The following FBXO47 variants were observed in gnomAD, a reference collection of about 807,000 sequenced individuals.
FBXO47 encodes F-box protein 47.
In FBXO47, 34 loss-of-function variants were observed where a neutral mutation model predicts 53.9. That is an observed-to-expected ratio of 0.63 (90% CI 0.48 to 0.84). The LOEUF (loss-of-function observed/expected upper bound fraction) is 0.84. Ranked by LOEUF, FBXO47 falls within the 40% of genes least tolerant of loss-of-function variation. The pLI, the probability that FBXO47 is intolerant of heterozygous loss-of-function variation, is 0.00. For synonymous variants in FBXO47, 165 were observed against 181.6 expected (o/e 0.91, Z 0.73); for missense variants, 485 against 541.3 (o/e 0.90, Z 1.03).
chr17:38,960,312 G>A (rs571480986), intron 3 of FBXO47, among the ~76,000 whole-genome samples: 2 of 151,736 alleles, frequency 1.3e-5, no homozygotes, highest in South Asian at 2.1e-4. Context: ...TAAGAATGAC[G>A]ATATGAGAAA....
In FBXO47 at chr17:38,938,568, C is replaced by T; in HGVS notation, c.1243+5G>A. On this transcript the variant is annotated splice_donor_5th_base_variant and intron_variant, in intron 10 of 10. Coordinates refer to ENST00000378079, the MANE Select transcript of FBXO47 (RefSeq NM_001008777.3). ...CACCTGTGCACCAAGTACATTCCTA[C>T]TCACCAGACATAATTGATTGCAGCA... 1.2e-6 allele frequency: 2 copies of T among 1,605,432 alleles called. No individual in the cohort carries two copies. The highest frequency in any genetic ancestry group is 1.7e-6 in the Non-Finnish European group (2 of 1,174,168).
At chr17:38,955,392 AAAAAAAAAAAGTCTCTACTCTC>A (rs1905503303) in intron 4 of FBXO47, among the ~76,000 whole-genome samples, 1 of 151,302 alleles carries the variant, frequency 6.6e-6, no homozygotes. Flanking sequence ...CATCTCAAAA[AAAAAAAAAAAGTCTCTACTCTC>A]AAGGAGTTCA....
intron 5 of FBXO47, among the ~76,000 whole-genome samples, chr17:38,952,583 T>A (rs1905350918): frequency 6.6e-6 from 1 of 151,936 alleles, no homozygotes; most frequent in African/African-American, 2.4e-5. Context: ...CGGAGATAAC[T>A]TTTTTATTTG....
In FBXO47 at chr17:38,954,204, A is replaced by G. The variant is rs530128928; in HGVS notation, c.507+652T>C. ...TCCCAGCTACTCAGGAGGCTGAGGC[A>G]GGAGAATCGCTTGAACTTAGGAGGT... On this transcript the variant is annotated intron_variant, in intron 5 of 10. Transcript: ENST00000378079. 3.9e-4 allele frequency among the ~76,000 whole-genome samples: 59 copies of G among 152,154 alleles called. No individual in the cohort carries two copies. In the South Asian group the frequency reaches 6.4e-3, roughly 17 times the overall value.
Position 38,967,391 on chromosome 17 carries a change from T to A in FBXO47, c.-189A>T, listed in dbSNP as rs1181204513. 1 of 152,108 alleles carries A rather than the reference T, an allele frequency of 6.6e-6. No homozygotes were observed. Among genetic ancestry groups the A allele is most frequent in the Non-Finnish European group, 1.5e-5 (1 of 68,030 alleles). The allele number at this position is 152,108 out of a possible 1,614,324, so 9.4% of individuals were successfully genotyped here. A position where few individuals can be genotyped will look rare whatever the true frequency, so the allele number is the denominator to read the frequency against. Reference sequence around the variant, plus strand: ...GTCACACTCCCGTAGGCTCCGGAGCTGCAGCCCTACCCACCAGGCGTCCCC... The same window carrying A: ...GTCACACTCCCGTAGGCTCCGGAGCAGCAGCCCTACCCACCAGGCGTCCCC... On this transcript the variant is annotated 5_prime_UTR_variant, in exon 1 of 11. Transcript: ENST00000378079.
At chr17:38,943,502 T>G (rs1904601557) in intron 8 of FBXO47, 88 bp downstream of exon 8, 3 of 803,100 alleles carry the variant, frequency 3.7e-6, no homozygotes, top group Middle Eastern at 3.5e-4. Flanking sequence ...GCACATCATT[T>G]GTTACCTGTA....
chr17:38,937,141 G>T lies in FBXO47; in HGVS notation c.*34C>A. The stretch of plus-strand genomic sequence containing the variant: ...TAGCACTCCTCTAATCATTCGTTCA[G>T]TGACGTTCTCTAAAGGCAAGGCTTT... On this transcript the variant is annotated 3_prime_UTR_variant, in exon 11 of 11. Transcript: ENST00000378079. 1 of 928,994 alleles carries T rather than the reference G, an allele frequency of 1.1e-6. No individual in the cohort carries two copies. The highest frequency in any genetic ancestry group is 1.7e-6 in the Non-Finnish European group (1 of 593,170). The allele number at this position is 928,994 out of a possible 1,614,324, so 57.5% of individuals were successfully genotyped here. A position where few individuals can be genotyped will look rare whatever the true frequency, so the allele number is the denominator to read the frequency against.
chr17:38,957,178 T>C lies in FBXO47; in HGVS notation c.428A>G (p.Glu143Gly). 1 of 1,589,508 alleles carries C rather than the reference T, an allele frequency of 6.3e-7. No homozygotes were observed. The highest frequency in any genetic ancestry group is 1.1e-5 in the South Asian group (1 of 90,390). ...RLKYIHKILT[E>G]VSCFKFNGCA... ...ACTAATTTAGAAGTATGATCTTACTTCTGTGAGTATCTTGTGAATGTATTT... is the reference window on the plus strand; with the variant it reads ...ACTAATTTAGAAGTATGATCTTACTCCTGTGAGTATCTTGTGAATGTATTT... Residue 143 changes from glutamate to glycine, a missense_variant and splice_region_variant, in exon 4 of 11, where the codon GAA becomes GGA. Coordinates refer to ENST00000378079, the MANE Select transcript of FBXO47 (RefSeq NM_001008777.3).
chr17:38,946,121 A>ATATTTATATATAAATACATAAATAT (rs1567716241), intron 6 of FBXO47, among the ~76,000 whole-genome samples: 1 of 110,066 alleles, frequency 9.1e-6, no homozygotes, highest in Non-Finnish European at 1.7e-5. Flanking sequence ...TACATAAATA[A>ATATTTATATATAAATACATAAATAT]ATATATATAC....
Position 38,938,711 on chromosome 17 carries a change from A to G in FBXO47, c.1105T>C (p.Cys369Arg), listed in dbSNP as rs750523882. The G allele has an allele frequency of 3.9e-5, 62 of 1,595,714 alleles. No homozygotes were observed. In the South Asian group the frequency reaches 5.3e-4, roughly 14 times the overall value. ...LALVCEKELY[C>R]MDWTVKMMQK... ...ATCATTTTAACTGTCCAATCCATGCAGTACAGTTCTTTCTCACACACCTGA... is the reference window on the plus strand; with the variant it reads ...ATCATTTTAACTGTCCAATCCATGCGGTACAGTTCTTTCTCACACACCTGA... Residue 369 changes from cysteine (C) to arginine (R), a missense_variant, in exon 10 of 11, where the codon TGC (cysteine) becomes CGC (arginine). Physicochemically the swap from Cys to Arg is radical, Grantham distance 180. Coordinates refer to ENST00000378079, the MANE Select transcript of FBXO47 (RefSeq NM_001008777.3).
Position 38,951,588 on chromosome 17 carries a change from G to T in FBXO47, c.609C>A (p.Ser203Arg), listed in dbSNP as rs761253228. 6.2e-6 allele frequency: 10 copies of T among 1,608,616 alleles called. No individual in the cohort carries two copies. In the Admixed American group the frequency reaches 1.5e-4, roughly 24 times the overall value. The change falls in exon 6 of 11, where the codon AGC becomes AGA. Residue 203 changes from serine to arginine, a missense_variant. Physicochemically the swap from Ser to Arg is moderately radical, Grantham distance 110 (BLOSUM62 -1). Coordinates refer to ENST00000378079, the MANE Select transcript of FBXO47 (RefSeq NM_001008777.3). ...CAAATTATAGTTTTTTACCTGGTTT[G>T]CTGCAGACAGCCATTTGTATCTTGC... Reference protein sequence around the residue: ...LCRKIQMAVCSKPGSAQKLEL... With the variant: ...LCRKIQMAVCRKPGSAQKLEL...
intron 1 of FBXO47, among the ~76,000 whole-genome samples, chr17:38,966,351 G>C (rs765820203): frequency 1.3e-5 from 2 of 151,932 alleles, no homozygotes; most frequent in African/African-American, 4.8e-5. Context: ...ACAGGTGCCC[G>C]CCCCCACGCC....
intron 1 of FBXO47, among the ~76,000 whole-genome samples, chr17:38,965,848 A>G (rs1004387922): frequency 6.7e-6 from 1 of 150,088 alleles, no homozygotes; most frequent in Non-Finnish European, 1.5e-5. Flanking sequence ...ACACCACTGC[A>G]CTCCAGCCTG....
chr17:38,946,215 A>AAAATATATATAAATATATAC (rs1371566136), intron 6 of FBXO47, among the ~76,000 whole-genome samples: 1 of 113,130 alleles, frequency 8.8e-6, no homozygotes, highest in Admixed American at 1.2e-4. Flanking sequence ...AATATATACA[A>AAAATATATATAAATATATAC]AAATATATAT....
At position 38,942,896 on chromosome 17, in the gene FBXO47, T is replaced by G; in HGVS notation, c.965A>C (p.Glu322Ala). 6.2e-7 allele frequency: 1 copy of G among 1,607,504 alleles called. No homozygotes were observed. The highest frequency in any genetic ancestry group is 1.1e-5 in the South Asian group (1 of 89,010). The change falls in exon 9 of 11, where the codon GAG (glutamate) becomes GCG (alanine). Residue 322 changes from glutamate (E) to alanine (A), a missense_variant. By Grantham distance (107) the Glu-to-Ala change is moderately radical (BLOSUM62 -1). Transcript: ENST00000378079. ...LSVVPREWLL[E>A]NNARLLMLSG... ...TAGCATTAGGAGACGTGCATTATTCTCTAGAAGCCACTCACGGGGAACCAC... is the reference window on the plus strand; with the variant it reads ...TAGCATTAGGAGACGTGCATTATTCGCTAGAAGCCACTCACGGGGAACCAC...
chr17:38,937,415 G>A (rs2143871366), intron 10 of FBXO47, 125 bp from the exon 11 acceptor site: 1 of 352,876 alleles, frequency 2.8e-6, no homozygotes, highest in Non-Finnish European at 4.9e-6. Context: ...GGAATGCAGT[G>A]GTGCCATCTC....
Position 38,945,290 on chromosome 17 carries a change from C to T in FBXO47, c.617-154G>A, listed in dbSNP as rs556208989. 2.6e-5 allele frequency among the ~76,000 whole-genome samples: 4 copies of T among 152,210 alleles called. No homozygotes were observed. The South Asian group carries it at 8.3e-4, about 32-fold the overall frequency. Reference sequence around the variant, plus strand: ...CCAAGAGATTATCTATTCTTAAACTCCCCTAACTTCATAATTTGTCTATCT... The same window carrying T: ...CCAAGAGATTATCTATTCTTAAACTTCCCTAACTTCATAATTTGTCTATCT... On this transcript the variant is annotated intron_variant, in intron 6 of 10. Coordinates refer to ENST00000378079, the MANE Select transcript of FBXO47 (RefSeq NM_001008777.3).
chr17:38,966,727 T>C (rs1307386402), intron 1 of FBXO47, among the ~76,000 whole-genome samples: 1 of 152,184 alleles, frequency 6.6e-6, no homozygotes, highest in African/African-American at 2.4e-5. Flanking sequence ...CTTCTAAAAC[T>C]CAAGTCTCCA....
intron 9 of FBXO47, among the ~76,000 whole-genome samples, chr17:38,941,660 ATG>A (rs1278291007): frequency 1.8e-4 from 26 of 143,254 alleles, no homozygotes; most frequent in Non-Finnish European, 3.0e-4. Flanking sequence ...GTGTATATGT[ATG>A]TGTGTGTGCG....
Sources: allele counts gnomAD v4.1 joint callset (sites outside exome capture counted in the v4.1 genomes callset), GRCh38; gene constraint gnomAD v4.1.1; transcripts MANE v1.5; gene names NCBI Gene and HGNC (gene_info 2026-07-23, HGNC 2026-07-21).